KCNH8: variants seen among roughly 807,000 people sequenced by gnomAD.
KCNH8 encodes the protein voltage-gated delayed rectifier potassium channel KCNH8.
In KCNH8, 70 loss-of-function variants were observed where a neutral mutation model predicts 103.6. The observed-to-expected ratio is 0.68, with a 90% CI of 0.56 to 0.82. KCNH8 has a LOEUF of 0.82. Ranked by LOEUF, KCNH8 falls within the 40% of genes least tolerant of loss-of-function variation. The pLI is 0.00. For synonymous variants in KCNH8, 498 were observed against 489.4 expected, an observed-to-expected ratio of 1.02 and a Z score of -0.23; for missense variants, 1,217 against 1,329.9, an observed-to-expected ratio of 0.92 and a Z score of 1.32.
intron 7 of KCNH8, among the ~76,000 whole-genome samples, chr3:19,419,460 A>G (rs1011836942): frequency 1.3e-5 from 2 of 151,806 alleles, no homozygotes; most frequent in African/African-American, 2.4e-5. Context: ...TCGGCCTCCC[A>G]AAGTGCTGGG....
At chr3:19,207,745 A>C (rs2063731562) in intron 1 of KCNH8, among the ~76,000 whole-genome samples, 1 of 152,016 alleles carries the variant, frequency 6.6e-6, no homozygotes, top group South Asian at 2.1e-4. Context: ...AATTGGACTC[A>C]TTTAATTTAT....
Position 19,253,827 on chromosome 3 carries a change from G to C in KCNH8, c.250G>C (p.Glu84Gln), listed in dbSNP as rs1559444568. The C allele has an allele frequency of 9.3e-6, 15 of 1,613,826 alleles. No homozygotes were observed. The highest frequency in any genetic ancestry group is 1.2e-5 in the Non-Finnish European group (14 of 1,179,870). Residue 84 changes from glutamate (E) to glutamine (Q), a missense_variant, in exon 2 of 16, where the codon GAA becomes CAA. Around this residue, in one of 3 missense-constraint regions of KCNH8, gnomAD observed 244 missense variants for 256.8 expected, o/e 0.95. Coordinates refer to ENST00000328405, the MANE Select transcript of KCNH8 (RefSeq NM_144633.3). ...ETNEQLMLQIEKSLEEKTEFK... is the reference protein window; with the variant it reads ...ETNEQLMLQIQKSLEEKTEFK... ...CAATGAGCAACTGATGCTTCAAATA[G>C]AAAAGTCACTGGAGGAGAAAACAGA...
intron 1 of KCNH8, among the ~76,000 whole-genome samples, chr3:19,203,307 A>C (rs1167341394): frequency 6.6e-6 from 1 of 152,126 alleles, no homozygotes; most frequent in Non-Finnish European, 1.5e-5. Context: ...AAGATTCAAA[A>C]TAATCAGAAT....
intron 1 of KCNH8, among the ~76,000 whole-genome samples, chr3:19,187,911 T>C (rs1333650461): frequency 6.6e-6 from 1 of 152,098 alleles, no homozygotes; most frequent in Non-Finnish European, 1.5e-5. Flanking sequence ...AATTATGTCT[T>C]TAATATATTT....
intron 1 of KCNH8, among the ~76,000 whole-genome samples, chr3:19,170,584 C>CTATATATATATATATATATATATA (rs113772694): frequency 3.5e-5 from 4 of 114,032 alleles, no homozygotes; most frequent in African/African-American, 1.3e-4. Flanking sequence ...CTTGGGGCAT[C>CTATATATATATATATATATATATA]TATATATATA....
chr3:19,481,682 T>C (rs576683425), intron 11 of KCNH8, among the ~76,000 whole-genome samples: 1 of 152,332 alleles, frequency 6.6e-6, no homozygotes, highest in South Asian at 2.1e-4. Context: ...AAAGCAGTGC[T>C]TGAGCAACCT....
intron 7 of KCNH8, among the ~76,000 whole-genome samples, chr3:19,412,769 A>C (rs191003622): frequency 6.6e-6 from 1 of 152,210 alleles, no homozygotes; most frequent in African/African-American, 2.4e-5. Context: ...GCCAACAAAC[A>C]TAAAAAATGC....
At chr3:19,423,942 C>A (rs1360330401) in intron 7 of KCNH8, among the ~76,000 whole-genome samples, 2 of 151,946 alleles carry the variant, frequency 1.3e-5, no homozygotes, top group East Asian at 3.9e-4. Context: ...GTGCCAGCAT[C>A]TATTAATTTT....
At chr3:19,209,733 AG>A (rs1463722022) in intron 1 of KCNH8, among the ~76,000 whole-genome samples, 12 of 152,216 alleles carry the variant, frequency 7.9e-5, no homozygotes, top group Middle Eastern at 3.4e-3. Context: ...TGTCAATGGT[AG>A]CATGAAACTT....
intron 3 of KCNH8, among the ~76,000 whole-genome samples, chr3:19,326,500 G>A (rs2065427226): frequency 6.6e-6 from 1 of 151,664 alleles, no homozygotes; most frequent in Non-Finnish European, 1.5e-5. Flanking sequence ...TCCTTTTTCT[G>A]AGTCAGGCTT....
intron 1 of KCNH8, among the ~76,000 whole-genome samples, chr3:19,151,901 A>T (rs1267708933): frequency 6.6e-6 from 1 of 152,088 alleles, no homozygotes; most frequent in Non-Finnish European, 1.5e-5. Flanking sequence ...TACTCTTGAA[A>T]TATGTTTTAT....
At chr3:19,333,180 T>G (rs2065534740) in intron 3 of KCNH8, among the ~76,000 whole-genome samples, 1 of 152,228 alleles carries the variant, frequency 6.6e-6, no homozygotes. Flanking sequence ...GTCTTTTGCT[T>G]ATTTTCTAAT....
At chr3:19,400,408 C>T (rs1465458190) in intron 7 of KCNH8, among the ~76,000 whole-genome samples, 2 of 151,746 alleles carry the variant, frequency 1.3e-5, no homozygotes, top group Non-Finnish European at 2.9e-5. Context: ...TAGATTGTGT[C>T]TTGGTCAGTA....
intron 6 of KCNH8, among the ~76,000 whole-genome samples, chr3:19,391,100 A>C (rs2125131158): frequency 6.6e-6 from 1 of 152,182 alleles, no homozygotes; most frequent in African/African-American, 2.4e-5. Flanking sequence ...CAAGATAGAG[A>C]GGACTATTGA....
At chr3:19,289,887 A>G (rs878928084) in intron 3 of KCNH8, among the ~76,000 whole-genome samples, 5 of 152,090 alleles carry the variant, frequency 3.3e-5, no homozygotes, top group Admixed American at 6.5e-5. Flanking sequence ...AGCATGGAAT[A>G]TTCTTCCATT....
At chr3:19,297,863 T>C (rs914173196) in intron 3 of KCNH8, among the ~76,000 whole-genome samples, 6 of 152,202 alleles carry the variant, frequency 3.9e-5, no homozygotes, top group African/African-American at 1.4e-4. Flanking sequence ...TGCAGATGCT[T>C]ATCAAGCTCT....
chr3:19,461,761 C>G (rs974905626), intron 11 of KCNH8, among the ~76,000 whole-genome samples: 1 of 152,124 alleles, frequency 6.6e-6, no homozygotes, highest in African/African-American at 2.4e-5. Context: ...TGGTTTGCCG[C>G]ACCCATTAAC....
chr3:19,329,199 GTT>G (rs1237616985), intron 3 of KCNH8, among the ~76,000 whole-genome samples: 1 of 152,140 alleles, frequency 6.6e-6, no homozygotes, highest in Non-Finnish European at 1.5e-5. Context: ...GGAGACAGCT[GTT>G]TCACTAACTT....
chr3:19,284,556 G>GTGT (rs1559458637), intron 3 of KCNH8, among the ~76,000 whole-genome samples: 3 of 134,480 alleles, frequency 2.2e-5, no homozygotes, highest in African/African-American at 8.4e-5. Context: ...TGTGTGTGAG[G>GTGT]GAGAGAGAGA....
Sources: allele counts gnomAD v4.1 joint callset (sites outside exome capture counted in the v4.1 genomes callset), GRCh38; gene constraint gnomAD v4.1.1; regional missense constraint gnomAD v4.1.1; transcripts MANE v1.5; gene names NCBI Gene and HGNC (gene_info 2026-07-23, HGNC 2026-07-21).